The following AFF3 variants were observed in gnomAD, a reference collection of about 807,000 sequenced individuals.
AFF3 encodes AF4/FMR2 family member 3.
Under a neutral mutation model 129.7 loss-of-function variants are expected in AFF3, and 32 were observed. The observed-to-expected ratio is 0.25, with a 90% CI of 0.19 to 0.33. The LOEUF is 0.33. Among genes scored for constraint, AFF3 ranks in the 10% least tolerant of loss-of-function variants. The pLI is 1.00. For synonymous variants in AFF3, 644 were observed against 635.4 expected (o/e 1.01, Z -0.20); for missense variants, 1,373 against 1,592.0 (o/e 0.86, Z 2.34).
At chr2:99,777,968 A>G (rs1043041641) in intron 8 of AFF3, among the ~76,000 whole-genome samples, 3 of 151,718 alleles carry the variant, frequency 2.0e-5, no homozygotes, top group Non-Finnish European at 4.4e-5. Flanking sequence ...AAAAAAAAAA[A>G]AAACAAAATG....
At chr2:99,812,673 T>G (rs1223189306) in intron 8 of AFF3, among the ~76,000 whole-genome samples, 1 of 152,240 alleles carries the variant, frequency 6.6e-6, no homozygotes, top group East Asian at 1.9e-4. Flanking sequence ...CAGTTCCTAT[T>G]AACGGCACTA....
chr2:100,030,542 G>A (rs1439781615), intron 4 of AFF3, among the ~76,000 whole-genome samples: 2 of 152,068 alleles, frequency 1.3e-5, no homozygotes, highest in South Asian at 2.1e-4. Context: ...GAAAATGTAC[G>A]TCCATATAAA....
chr2:100,020,828 T>C (rs1559064359), intron 4 of AFF3, among the ~76,000 whole-genome samples: 1 of 152,196 alleles, frequency 6.6e-6, no homozygotes, highest in Non-Finnish European at 1.5e-5. Flanking sequence ...TCCCGGCTGC[T>C]CTTCCTACCC....
chr2:99,849,272 G>A (rs1256153176), intron 7 of AFF3, among the ~76,000 whole-genome samples: 1 of 152,092 alleles, frequency 6.6e-6, no homozygotes, highest in East Asian at 1.9e-4. Context: ...TGGCATTGGA[G>A]GGACTGGCAG....
intron 13 of AFF3, among the ~76,000 whole-genome samples, chr2:99,617,722 G>C (rs1420384705): frequency 2.0e-5 from 3 of 152,168 alleles, no homozygotes; most frequent in African/African-American, 7.2e-5. Flanking sequence ...AATAGTAACA[G>C]ATGTTTAAAT....
At chr2:99,981,453 A>G (rs995679663) in intron 7 of AFF3, among the ~76,000 whole-genome samples, 3 of 152,226 alleles carry the variant, frequency 2.0e-5, no homozygotes, top group African/African-American at 7.2e-5. Context: ...TGCTCTTCAT[A>G]AAGTTAACAA....
chr2:99,653,066 G>T (rs769739919), intron 12 of AFF3, among the ~76,000 whole-genome samples: 3 of 152,158 alleles, frequency 2.0e-5, no homozygotes, highest in Non-Finnish European at 4.4e-5. Context: ...CACCCAGCAG[G>T]CAACAGGTGG....
At chr2:100,092,926 A>G (rs559358965) in intron 4 of AFF3, among the ~76,000 whole-genome samples, 20 of 151,486 alleles carry the variant, frequency 1.3e-4, no homozygotes, top group African/African-American at 4.8e-4. Context: ...CTAAAATATA[A>G]ACATATCAAG....
intron 7 of AFF3, among the ~76,000 whole-genome samples, chr2:100,004,457 A>G (rs964350274): frequency 2.0e-5 from 3 of 152,014 alleles, no homozygotes; most frequent in African/African-American, 7.2e-5. Context: ...TTATTTTTTT[A>G]TTTATTTTTT....
At chr2:99,560,287 T>C (rs1675350669) in intron 21 of AFF3, 78 bp downstream of exon 21, 10 of 1,462,428 alleles carry the variant, frequency 6.8e-6, no homozygotes, top group East Asian at 2.3e-5. Flanking sequence ...GGGCAAACAC[T>C]ATGCCTTTCA....
chr2:99,830,626 AC>A (rs1688447647), intron 8 of AFF3, among the ~76,000 whole-genome samples: 2 of 152,114 alleles, frequency 1.3e-5, no homozygotes, highest in South Asian at 4.2e-4. Context: ...GTGGCGGGTG[AC>A]TGTAACCCAG....
At chr2:99,980,142 C>T (rs1010176795) in intron 7 of AFF3, among the ~76,000 whole-genome samples, 17 of 152,138 alleles carry the variant, frequency 1.1e-4, no homozygotes, top group African/African-American at 3.9e-4. Flanking sequence ...CTTGACTTAA[C>T]AGAAAATTCT....
intron 4 of AFF3, among the ~76,000 whole-genome samples, chr2:100,100,805 G>A (rs1217437793): frequency 6.6e-6 from 1 of 151,840 alleles, no homozygotes. Flanking sequence ...TAAAGGCCCT[G>A]AGGAATGGCT....
intron 7 of AFF3, among the ~76,000 whole-genome samples, chr2:99,856,127 T>C (rs1189350275): frequency 6.6e-6 from 1 of 152,192 alleles, no homozygotes; most frequent in Non-Finnish European, 1.5e-5. Flanking sequence ...TGTGTGGTAT[T>C]CTAGATGAAA....
intron 7 of AFF3, among the ~76,000 whole-genome samples, chr2:99,985,054 GA>G (rs1262220383): frequency 2.0e-5 from 3 of 152,186 alleles, no homozygotes; most frequent in Non-Finnish European, 4.4e-5. Flanking sequence ...ATTAAGAACA[GA>G]TTTCATCACT....
chr2:100,003,995 AT>A (rs1190936657), intron 7 of AFF3, among the ~76,000 whole-genome samples: 2 of 149,272 alleles, frequency 1.3e-5, no homozygotes, highest in African/African-American at 2.5e-5. Context: ...AAAAAAAAAA[AT>A]TCTCTCATTG....
Position 99,843,243 on chromosome 2 carries a change from G to A in AFF3, c.874-5719C>T, listed in dbSNP as rs562832911. On this transcript the variant is annotated intron_variant, in intron 7 of 24. Transcript: ENST00000672756. ...GTCTCCTGCCTTATCTTTAAGGATAGGGCCACCTGTGAACAGAGGCAGACA... is the reference window on the plus strand; with the variant it reads ...GTCTCCTGCCTTATCTTTAAGGATAAGGCCACCTGTGAACAGAGGCAGACA... Among the ~76,000 whole-genome samples, 263 of 152,282 alleles carry A rather than the reference G, an allele frequency of 1.7e-3. 2 individuals are homozygous for A. The highest frequency in any genetic ancestry group is 6.1e-3 in the African/African-American group (254 of 41,550).
intron 11 of AFF3, among the ~76,000 whole-genome samples, chr2:99,697,486 A>C (rs1026423390): frequency 5.3e-5 from 8 of 152,274 alleles, no homozygotes; most frequent in African/African-American, 1.9e-4. Context: ...ACTACAGAGC[A>C]AATATAGTGA....
intron 8 of AFF3, among the ~76,000 whole-genome samples, chr2:99,758,917 T>C (rs189720079): frequency 5.6e-4 from 85 of 152,298 alleles, no homozygotes; most frequent in Non-Finnish European, 9.6e-4. Flanking sequence ...CTCAAGACCT[T>C]CTACAATAAG....
Sources: gnomAD v4.1 joint callset for allele counts (sites outside exome capture counted in the v4.1 genomes callset) on GRCh38, gnomAD v4.1.1 for gene constraint, MANE v1.5 for transcripts, NCBI Gene and HGNC (gene_info 2026-07-23, HGNC 2026-07-21) for gene names.